HSPA12B: variants seen among roughly 807,000 people sequenced by gnomAD.
The protein encoded by HSPA12B is heat shock protein family A (Hsp70) member 12B.
A neutral mutation model predicts 69.3 loss-of-function variants in HSPA12B; 54 were observed. The observed-to-expected ratio is 0.78, with a 90% CI of 0.63 to 0.98. The LOEUF (loss-of-function observed/expected upper bound fraction) is 0.98, where lower values mean the gene tolerates loss of function less well. Among genes scored for constraint, HSPA12B ranks in the 50% least tolerant of loss-of-function variants. HSPA12B has a pLI of 0.00. For synonymous variants in HSPA12B, 441 were observed against 436.5 expected (o/e 1.01, Z -0.13); for missense variants, 929 against 999.8 (o/e 0.93, Z 0.96).
chr20:3,741,020 G>A, intron 3 of HSPA12B, 108 bp downstream of exon 3: 1 of 836,224 alleles, frequency 1.2e-6, no homozygotes, highest in Non-Finnish European at 1.9e-6. Flanking sequence ...AGGGGATGGG[G>A]GTAGCACCAT....
Position 3,749,429 on chromosome 20 carries a change from A to G in HSPA12B, c.937+111A>G. ...CGTCTCTTCCTCCTCCATTCGCTGT[A>G]CCCAACCTGGCCGTCCCCTCACAGT... On this transcript the variant is annotated intron_variant, in intron 9 of 12. Coordinates refer to ENST00000254963, the MANE Select transcript of HSPA12B (RefSeq NM_052970.5). The surrounding 1 kb of genome is among the most constrained non-coding windows in gnomAD (Gnocchi z 5.5). The G allele has an allele frequency of 9.6e-7, 1 of 1,042,702 alleles. No homozygotes were observed. Among genetic ancestry groups the G allele is most frequent in the East Asian group, 2.6e-5 (1 of 38,048 alleles). 64.6% of individuals were successfully genotyped at this position (1,042,702 alleles called of 1,614,324 possible). A position where few individuals can be genotyped will look rare whatever the true frequency, so the allele number is the denominator to read the frequency against.
At position 3,752,001 on chromosome 20, in the gene HSPA12B, C is replaced by A. The variant is rs754616229; in HGVS notation, c.1896C>A (p.Leu632=). 2.6e-6 allele frequency: 4 copies of A among 1,567,616 alleles called. No homozygotes were observed. In the South Asian group the frequency reaches 3.4e-5, roughly 13 times the overall value. ...TGCGCAAATGCGGCGCGCTCAGCCT[C>A]GAGCTTGAGCCCGCCGACTGCGGCC... is the stretch of plus-strand genomic sequence containing the variant. ...PGVRKCGALS[L]ELEPADCGQD... The change falls in exon 13 of 13, where the codon CTC becomes CTA. Residue 632 remains leucine, a synonymous_variant. Transcript: ENST00000254963.
Position 3,745,546 on chromosome 20 carries a change from C to T in HSPA12B, c.507C>T (p.Ala169=). Residue 169 remains alanine, a synonymous_variant, in exon 6 of 13, where the codon GCC becomes GCT. Coordinates refer to ENST00000254963, the MANE Select transcript of HSPA12B (RefSeq NM_052970.5). The surrounding 1 kb of genome is among the most constrained non-coding windows in gnomAD (Gnocchi z 5.6). Reference sequence around the variant, plus strand: ...CAGTAAATGGAAAGACGATGCCCGCCCTGGAGGTGTTCGCCCATGCCCTGC... The same window carrying T: ...CAGTAAATGGAAAGACGATGCCCGCTCTGGAGGTGTTCGCCCATGCCCTGC... ...LEAVNGKTMP[A]LEVFAHALRF... is the part of the protein sequence containing the mutation. 1.2e-6 allele frequency: 2 copies of T among 1,614,152 alleles called. No individual in the cohort carries two copies. Among genetic ancestry groups the T allele is most frequent in the Non-Finnish European group, 1.7e-6 (2 of 1,180,022 alleles).
intron 12 of HSPA12B, 130 bp downstream of exon 12, chr20:3,751,037 C>T (rs2088411080): frequency 1.1e-6 from 1 of 917,174 alleles, no homozygotes; most frequent in Non-Finnish European, 1.7e-6. Flanking sequence ...TCATCTAGAA[C>T]ACCTGCGGGA....
At chr20:3,751,368 A>G (rs1568480670) in intron 12 of HSPA12B, 143 bp from the exon 13 acceptor site, 1 of 1,345,818 alleles carries the variant, frequency 7.4e-7, no homozygotes, top group Non-Finnish European at 9.5e-7. Flanking sequence ...AAGTGCTCAA[A>G]TGGCTACTTT....
chr20:3,740,443 C>T lies in HSPA12B; in HGVS notation c.44-372C>T, dbSNP rs879757177. ...GGAGGGCTTCTCTCTCCTCTACTCC[C>T]TCCCAGGAGCTCACCTGCCCTATCT... On this transcript the variant is annotated intron_variant, in intron 2 of 12. Coordinates refer to ENST00000254963, the MANE Select transcript of HSPA12B (RefSeq NM_052970.5). The surrounding 1 kb of genome is among the most constrained non-coding windows in gnomAD (Gnocchi z 4.9). Among the ~76,000 whole-genome samples the T allele has an allele frequency of 6.6e-6, 1 of 152,168 alleles. No individual in the cohort carries two copies. The highest frequency in any genetic ancestry group is 1.5e-5 in the Non-Finnish European group (1 of 68,018).
At position 3,752,382 on chromosome 20, in the gene HSPA12B, C is replaced by G. The variant is rs2088444646; in HGVS notation, c.*216C>G. On this transcript the variant is annotated 3_prime_UTR_variant, in exon 13 of 13. Transcript: ENST00000254963. ...GGGCACTGGTCCGCTGACTGCCAGG[C>G]TGAAGGGACCCGCCAAGGACTGAAC... The G allele has an allele frequency of 4.1e-6, 2 of 484,650 alleles. No individual in the cohort carries two copies. The highest frequency in any genetic ancestry group is 8.3e-5 in the Admixed American group (2 of 24,226). The allele number at this position is 484,650 out of a possible 1,614,324, so 30.0% of individuals were successfully genotyped here.
chr20:3,740,159 T>TGGG lies in HSPA12B; in HGVS notation c.44-652_44-650dup, dbSNP rs369809848. On this transcript the variant is annotated intron_variant, in intron 2 of 12. Coordinates refer to ENST00000254963, the MANE Select transcript of HSPA12B (RefSeq NM_052970.5). The surrounding 1 kb of genome is among the most constrained non-coding windows in gnomAD (Gnocchi z 4.9). ...CTCAGGGTGTGTGTATGTGTGTGTGTGGGGGGTGGGAATCAGACTTCCTAA... is the reference window on the plus strand; with the variant it reads ...CTCAGGGTGTGTGTATGTGTGTGTGTGGGGGGGGGTGGGAATCAGACTTCCTAA... 6.6e-6 allele frequency among the ~76,000 whole-genome samples: 1 copy of TGGG among 151,426 alleles called. No homozygotes were observed. The highest frequency in any genetic ancestry group is 2.4e-5 in the African/African-American group (1 of 40,896).
intron 4 of HSPA12B, among the ~76,000 whole-genome samples, chr20:3,743,606 C>G (rs1481427762): frequency 6.6e-6 from 1 of 152,156 alleles, no homozygotes; most frequent in Non-Finnish European, 1.5e-5. Flanking sequence ...AGCTTCAACA[C>G]TATTTTGTAG....
chr20:3,738,247 T>C lies in HSPA12B; in HGVS notation c.-17-411T>C, dbSNP rs577151428. Reference sequence around the variant, plus strand: ...TGTCATTTCAAAATCACTTGCCTGATTATCTCCTCCATCAGACCGTTGGTT... The same window carrying C: ...TGTCATTTCAAAATCACTTGCCTGACTATCTCCTCCATCAGACCGTTGGTT... On this transcript the variant is annotated intron_variant, in intron 1 of 12. Transcript: ENST00000254963. 5.9e-5 allele frequency among the ~76,000 whole-genome samples: 9 copies of C among 152,356 alleles called. No individual in the cohort carries two copies. The East Asian group carries it at 1.7e-3, about 29-fold the overall frequency.
In HSPA12B at chr20:3,745,677, T is replaced by A; in HGVS notation, c.558+80T>A. On this transcript the variant is annotated intron_variant, in intron 6 of 12. Coordinates refer to ENST00000254963, the MANE Select transcript of HSPA12B (RefSeq NM_052970.5). The surrounding 1 kb of genome is among the most constrained non-coding windows in gnomAD (Gnocchi z 5.6). Reference sequence around the variant, plus strand: ...CATCCGAAACCGCTCCCCCATCCCGTCCCCGACATTGGATGGGTAGCCACC... The same window carrying A: ...CATCCGAAACCGCTCCCCCATCCCGACCCCGACATTGGATGGGTAGCCACC... 1 of 1,281,350 alleles carries A rather than the reference T, an allele frequency of 7.8e-7. No homozygotes were observed. Among genetic ancestry groups the A allele is most frequent in the Non-Finnish European group, 1.1e-6 (1 of 891,010 alleles). The allele number at this position is 1,281,350 out of a possible 1,614,324, so 79.4% of individuals were successfully genotyped here.
chr20:3,742,061 C>T (rs1215160335), intron 3 of HSPA12B, among the ~76,000 whole-genome samples: 1 of 151,876 alleles, frequency 6.6e-6, no homozygotes, highest in Non-Finnish European at 1.5e-5. Context: ...TGAGCCAAAC[C>T]CTGCCTGGGG....
intron 1 of HSPA12B, among the ~76,000 whole-genome samples, chr20:3,733,668 C>G (rs1170529052): frequency 6.6e-6 from 1 of 152,212 alleles, no homozygotes; most frequent in Non-Finnish European, 1.5e-5. Flanking sequence ...CTCTCCAGAA[C>G]AGAGTGGGGC....
chr20:3,752,370 C>A lies in HSPA12B; in HGVS notation c.*204C>A, dbSNP rs1005730553. ...GGCTTTGGGATTGGGCACTGGTCCG[C>A]TGACTGCCAGGCTGAAGGGACCCGC... On this transcript the variant is annotated 3_prime_UTR_variant, in exon 13 of 13. Coordinates refer to ENST00000254963, the MANE Select transcript of HSPA12B (RefSeq NM_052970.5). 2 of 507,064 alleles carry A rather than the reference C, an allele frequency of 3.9e-6. No individual in the cohort carries two copies. Among genetic ancestry groups the A allele is most frequent in the Non-Finnish European group, 6.6e-6 (2 of 301,516 alleles). The allele number at this position is 507,064 out of a possible 1,614,324, so 31.4% of individuals were successfully genotyped here.
Position 3,745,118 on chromosome 20 carries a change from G to A in HSPA12B, c.453+30G>A, listed in dbSNP as rs750823708. 6 of 1,593,796 alleles carry A rather than the reference G, an allele frequency of 3.8e-6. No homozygotes were observed. The highest frequency in any genetic ancestry group is 5.1e-6 in the Non-Finnish European group (6 of 1,165,430). ...GTCACAGGGCTCCAGACAGGGAGGC[G>A]GGGCCAGCATGGAAAAGGGCAGGGC... On this transcript the variant is annotated intron_variant, in intron 5 of 12. Coordinates refer to ENST00000254963, the MANE Select transcript of HSPA12B (RefSeq NM_052970.5). The surrounding 1 kb of genome is among the most constrained non-coding windows in gnomAD (Gnocchi z 5.6).
chr20:3,738,926 G>A (rs1406449301), intron 2 of HSPA12B, among the ~76,000 whole-genome samples: 1 of 152,116 alleles, frequency 6.6e-6, no homozygotes, highest in African/African-American at 2.4e-5. Context: ...TGTGTGCACC[G>A]GTCTGTGTAT....
At position 3,751,819 on chromosome 20, in the gene HSPA12B, G is replaced by A; in HGVS notation, c.1714G>A (p.Asp572Asn). 6.5e-7 allele frequency: 1 copy of A among 1,533,668 alleles called. No individual in the cohort carries two copies. The highest frequency in any genetic ancestry group is 1.7e-4 in the Middle Eastern group (1 of 5,878). ...LVRDGRRWCT[D>N]VFERFVAAEQ... The stretch of plus-strand genomic sequence containing the variant: ...TCGCGACGGCCGCCGCTGGTGCACC[G>A]ACGTCTTCGAGCGCTTCGTGGCCGC... Residue 572 changes from aspartate to asparagine, a missense_variant, in exon 13 of 13, where the codon GAC becomes AAC. Asp to Asn is a conservative substitution (Grantham distance 23, BLOSUM62 1). This residue lies in a region of HSPA12B where 448 missense variants were observed against 448.1 expected (regional missense o/e 1.00). Transcript: ENST00000254963.
Position 3,745,850 on chromosome 20 carries a change from G to A in HSPA12B, c.559-65G>A, listed in dbSNP as rs546413899. ...TGATTTGATTAGTACCTCCAGTTCC[G>A]CAGAGGGCTGAAGACCACCCTCCCT... On this transcript the variant is annotated intron_variant, in intron 6 of 12. Coordinates refer to ENST00000254963, the MANE Select transcript of HSPA12B (RefSeq NM_052970.5). The surrounding 1 kb of genome is among the most constrained non-coding windows in gnomAD (Gnocchi z 5.6). 14 of 1,377,754 alleles carry A rather than the reference G, an allele frequency of 1.0e-5. No individual in the cohort carries two copies. Among genetic ancestry groups the A allele is most frequent in the Admixed American group, 8.4e-5 (5 of 59,672 alleles). 85.3% of individuals were successfully genotyped at this position (1,377,754 alleles called of 1,614,324 possible). A position where few individuals can be genotyped will look rare whatever the true frequency, so the allele number is the denominator to read the frequency against.
Position 3,749,717 on chromosome 20 carries a change from C to A in HSPA12B, c.938-33C>A. 6.7e-7 allele frequency: 1 copy of A among 1,485,886 alleles called. No individual in the cohort carries two copies. The highest frequency in any genetic ancestry group is 2.4e-5 in the East Asian group (1 of 41,736). 92.0% of individuals were successfully genotyped at this position (1,485,886 alleles called of 1,614,324 possible). ...GCGCAGGGCTGAGGGTGCGAGGCCG[C>A]CCACGAGTGTGTGCCCGCGCTCGCC... On this transcript the variant is annotated intron_variant, in intron 9 of 12. Coordinates refer to ENST00000254963, the MANE Select transcript of HSPA12B (RefSeq NM_052970.5). This position sits in a 1 kb window ranked among gnomAD's most constrained non-coding sequence, Gnocchi z 5.5.
Sources: gnomAD v4.1 joint callset for allele counts (sites outside exome capture counted in the v4.1 genomes callset) on GRCh38, gnomAD v4.1.1 for gene constraint, gnomAD v4.1.1 regional missense constraint, Gnocchi (gnomAD v3.1) non-coding constraint, MANE v1.5 for transcripts, NCBI Gene and HGNC (gene_info 2026-07-23, HGNC 2026-07-21) for gene names.